The following P4HTM variants were observed in gnomAD, a reference collection of about 807,000 sequenced individuals.
P4HTM encodes the protein transmembrane prolyl 4-hydroxylase.
P4HTM carries 33 observed loss-of-function variants against 55.3 expected under a neutral mutation model. The ratio of observed to expected loss-of-function variants is 0.60; its 90% CI spans 0.45 to 0.80. P4HTM has a LOEUF of 0.80. Among genes scored for constraint, P4HTM ranks in the 30% least tolerant of loss-of-function variants. P4HTM has a pLI of 0.00. For synonymous variants in P4HTM, 272 were observed against 286.4 expected, an observed-to-expected ratio of 0.95 and a Z score of 0.51; for missense variants, 542 against 696.5, an observed-to-expected ratio of 0.78 and a Z score of 2.50.
chr3:48,990,393 T>G lies in P4HTM; in HGVS notation c.137T>G (p.Val46Gly), dbSNP rs1027162953. Residue 46 changes from valine (V) to glycine (G), a missense_variant, in exon 1 of 9, where the codon GTG becomes GGG. Physicochemically the swap from Val to Gly is moderately radical, Grantham distance 109. Coordinates refer to ENST00000383729, the MANE Select transcript of P4HTM (RefSeq NM_177939.3). The surrounding 1 kb of genome is among the most constrained non-coding windows in gnomAD (Gnocchi z 7.2). ...CTGGGCGACGGCGAGGACGCACCGG[T>G]GCGTCCGCTGTGCAAGCCCCGCGGC... ...AGLGDGEDAP[V>G]RPLCKPRGIC... 2.5e-6 allele frequency: 4 copies of G among 1,571,226 alleles called. No homozygotes were observed. The highest frequency in any genetic ancestry group is 2.6e-6 in the Non-Finnish European group (3 of 1,163,254).
upstream of P4HTM, chr3:48,990,121 G>C (rs1207667902): frequency 2.4e-6 from 2 of 849,698 alleles, no homozygotes; most frequent in Middle Eastern, 5.2e-4. This position sits in a 1 kb window ranked among gnomAD's most constrained non-coding sequence, Gnocchi z 7.2. Flanking sequence ...AGGCGGCTCC[G>C]GGCGGGCTCA....
Position 49,002,675 on chromosome 3 carries a change from C to A in P4HTM, c.724+79C>A. 1.8e-6 allele frequency: 2 copies of A among 1,097,302 alleles called. No homozygotes were observed. Among genetic ancestry groups the A allele is most frequent in the Non-Finnish European group, 2.8e-6 (2 of 710,546 alleles). 68.0% of individuals were successfully genotyped at this position (1,097,302 alleles called of 1,614,324 possible). A position where few individuals can be genotyped will look rare whatever the true frequency, so the allele number is the denominator to read the frequency against. The stretch of plus-strand genomic sequence containing the variant: ...AGGTGCACAATTTTGAAAACTTGGG[C>A]CCTTCCCCCACAGCCAGGCAGCCTC... On this transcript the variant is annotated intron_variant, in intron 4 of 8. Coordinates refer to ENST00000383729, the MANE Select transcript of P4HTM (RefSeq NM_177939.3). The surrounding 1 kb of genome is among the most constrained non-coding windows in gnomAD (Gnocchi z 4.4).
chr3:48,997,200 C>G (rs2092948443), intron 2 of P4HTM: 1 of 152,234 alleles, frequency 6.6e-6, no homozygotes, highest in South Asian at 2.1e-4. Context: ...CCCAGGCTCT[C>G]CCTGGCGGGG....
rs373573216 is a variant in P4HTM, at chr3:48,990,721, C to T, written c.354+111C>T. ...CCCCCGGCGCTGCTCTGCGTCGGTC[C>T]CGCGCGCTCCCACTCACTCGCCTGC... On this transcript the variant is annotated intron_variant, in intron 1 of 8. Transcript: ENST00000383729. The surrounding 1 kb of genome is among the most constrained non-coding windows in gnomAD (Gnocchi z 7.2). The T allele has an allele frequency of 6.8e-7, 1 of 1,471,098 alleles. No individual in the cohort carries two copies. 91.1% of individuals were successfully genotyped at this position (1,471,098 alleles called of 1,614,324 possible).
At chr3:48,993,739 G>C (rs2092937608) in intron 2 of P4HTM, among the ~76,000 whole-genome samples, 1 of 151,228 alleles carries the variant, frequency 6.6e-6, no homozygotes, top group African/African-American at 2.4e-5. Flanking sequence ...GTGGATGCCT[G>C]TAATCCCAGC....
chr3:49,005,654 T>A, intron 6 of P4HTM, 123 bp from the exon 7 acceptor site: 1 of 1,454,420 alleles, frequency 6.9e-7, no homozygotes, highest in Non-Finnish European at 9.1e-7. Context: ...TGCCCTATTG[T>A]CTCCCATCCT....
intron 2 of P4HTM, among the ~76,000 whole-genome samples, chr3:48,994,909 C>T (rs1000294746): frequency 6.6e-6 from 1 of 152,132 alleles, no homozygotes; most frequent in Non-Finnish European, 1.5e-5. Context: ...AAGTGATTCT[C>T]CTGCCTCAAC....
rs769062951 is a variant in P4HTM at position 49,006,671 on chromosome 3, C to T, written c.1289-16C>T. ...GCCAGCCCAGCCTAGGATCTCACGT[C>T]ACCCTCCTCTTCTAGGTTGGGTGGG... On this transcript the variant is annotated splice_polypyrimidine_tract_variant and intron_variant, in intron 8 of 8. Coordinates refer to ENST00000383729, the MANE Select transcript of P4HTM (RefSeq NM_177939.3). 1 of 1,610,368 alleles carries T rather than the reference C, an allele frequency of 6.2e-7. No homozygotes were observed. The highest frequency in any genetic ancestry group is 8.5e-7 in the Non-Finnish European group (1 of 1,177,260).
At chr3:49,004,448 C>G (rs2092970548) in intron 5 of P4HTM, 188 bp downstream of exon 5, 1 of 613,194 alleles carries the variant, frequency 1.6e-6, no homozygotes, top group African/African-American at 1.9e-5. Flanking sequence ...GCCCTCCTTG[C>G]AGGCACACAA....
chr3:49,002,450 T>C lies in P4HTM; in HGVS notation c.628-50T>C, dbSNP rs1576606919. 1.9e-5 allele frequency: 25 copies of C among 1,326,768 alleles called. No individual in the cohort carries two copies. In the East Asian group the frequency reaches 5.7e-4, roughly 30 times the overall value. The allele number at this position is 1,326,768 out of a possible 1,614,324, so 82.2% of individuals were successfully genotyped here. A position where few individuals can be genotyped will look rare whatever the true frequency, so the allele number is the denominator to read the frequency against. ...AAGCACTGGGCCATCTGTTCTCTGCTGGCTCTCCATCACTGGGGTCACCCA... is the reference window on the plus strand; with the variant it reads ...AAGCACTGGGCCATCTGTTCTCTGCCGGCTCTCCATCACTGGGGTCACCCA... On this transcript the variant is annotated intron_variant, in intron 3 of 8. Transcript: ENST00000383729. The surrounding 1 kb of genome is among the most constrained non-coding windows in gnomAD (Gnocchi z 4.4).
intron 2 of P4HTM, among the ~76,000 whole-genome samples, chr3:48,995,870 GCCTC>G (rs2092944059): frequency 6.6e-6 from 1 of 152,282 alleles, no homozygotes; most frequent in Non-Finnish European, 1.5e-5. Flanking sequence ...ACAGGCATAA[GCCTC>G]CGTGCCCAGC....
chr3:49,005,450 C>G, intron 6 of P4HTM: 5 of 1,376,332 alleles, frequency 3.6e-6, no homozygotes, highest in Non-Finnish European at 4.7e-6. Flanking sequence ...TCTGGCCCAG[C>G]CCCTTCCCAT....
chr3:48,992,289 T>G (rs543116806), intron 2 of P4HTM: 1 of 152,258 alleles, frequency 6.6e-6, no homozygotes, highest in South Asian at 2.1e-4. Flanking sequence ...ATTTTTTTTC[T>G]TTTTTCTTTT....
intron 2 of P4HTM, chr3:48,996,014 G>A (rs2092944505): frequency 6.6e-6 from 1 of 152,178 alleles, no homozygotes; most frequent in African/African-American, 2.4e-5. Context: ...GGCAGCAGGG[G>A]GTACTACCAG....
intron 2 of P4HTM, among the ~76,000 whole-genome samples, chr3:49,000,552 T>G (rs531440048): frequency 2.0e-5 from 3 of 152,280 alleles, no homozygotes; most frequent in Non-Finnish European, 2.9e-5. Flanking sequence ...TCTGCGTGCT[T>G]CTTGTCCTCC....
In P4HTM at chr3:48,990,708, C is replaced by A; in HGVS notation, c.354+98C>A. 6.8e-7 allele frequency: 1 copy of A among 1,466,902 alleles called. No homozygotes were observed. Among genetic ancestry groups the A allele is most frequent in the Non-Finnish European group, 9.2e-7 (1 of 1,092,406 alleles). The allele number at this position is 1,466,902 out of a possible 1,614,324, so 90.9% of individuals were successfully genotyped here. A position where few individuals can be genotyped will look rare whatever the true frequency, so the allele number is the denominator to read the frequency against. ...GGTCCCCACGCTGCCCCCGGCGCTG[C>A]TCTGCGTCGGTCCCGCGCGCTCCCA... On this transcript the variant is annotated intron_variant, in intron 1 of 8. Coordinates refer to ENST00000383729, the MANE Select transcript of P4HTM (RefSeq NM_177939.3). The surrounding 1 kb of genome is among the most constrained non-coding windows in gnomAD (Gnocchi z 7.2).
upstream of P4HTM, chr3:48,990,016 G>A (rs2092925663): frequency 5.3e-6 from 1 of 190,362 alleles, no homozygotes; most frequent in Admixed American, 6.1e-5. This position sits in a 1 kb window ranked among gnomAD's most constrained non-coding sequence, Gnocchi z 7.2. Flanking sequence ...CTTGGAGAGT[G>A]TACAGCTCTG....
At position 48,990,473 on chromosome 3, in the gene P4HTM, G is replaced by T; in HGVS notation, c.217G>T (p.Gly73Cys). The T allele has an allele frequency of 3.7e-6, 6 of 1,611,306 alleles. No homozygotes were observed. The highest frequency in any genetic ancestry group is 1.3e-5 in the African/African-American group (1 of 74,982). Reference sequence around the variant, plus strand: ...GATGGTGTTCGTGCACCTGTACCTGGGTAACGTGCTGGCGCTGCTGCTCTT... The same window carrying T: ...GATGGTGTTCGTGCACCTGTACCTGTGTAACGTGCTGGCGCTGCTGCTCTT... ...VLMVFVHLYL[G>C]NVLALLLFVH... The change falls in exon 1 of 9, where the codon GGT becomes TGT. Residue 73 changes from glycine to cysteine, a missense_variant. This residue lies in a region of P4HTM where 536 missense variants were observed against 672.1 expected (regional missense o/e 0.80). Transcript: ENST00000383729. The surrounding 1 kb of genome is among the most constrained non-coding windows in gnomAD (Gnocchi z 7.2).
At position 49,006,712 on chromosome 3, in the gene P4HTM, C is replaced by G. The variant is rs766281911; in HGVS notation, c.1314C>G (p.Tyr438Ter). The G allele has an allele frequency of 6.2e-7, 1 of 1,613,694 alleles. No homozygotes were observed. Among genetic ancestry groups the G allele is most frequent in the Non-Finnish European group, 8.5e-7 (1 of 1,180,038 alleles). ...GTTGGGTGGGTGACGTAGACGACTA[C>G]TCGCTGCACGGGGGCTGCCTGGTCA... Reference protein sequence around the residue: ...GQGWVGDVDDYSLHGGCLVTR... With the variant: ...GQGWVGDVDD Residue 438 changes from tyrosine to a stop codon, truncating the protein, a stop_gained, in exon 9 of 9, where the codon TAC (tyrosine) becomes TAG (stop). Coordinates refer to ENST00000383729, the MANE Select transcript of P4HTM (RefSeq NM_177939.3). LOFTEE classifies it high-confidence loss of function.
Sources: gnomAD v4.1 joint callset for allele counts (sites outside exome capture counted in the v4.1 genomes callset) on GRCh38, gnomAD v4.1.1 for gene constraint, gnomAD v4.1.1 regional missense constraint, Gnocchi (gnomAD v3.1) non-coding constraint, MANE v1.5 for transcripts, NCBI Gene and HGNC (gene_info 2026-07-23, HGNC 2026-07-21) for gene names.